Variants in UBE2F observed in about 807,000 individuals in gnomAD.
UBE2F encodes ubiquitin conjugating enzyme E2 F (putative).
UBE2F carries 5 observed loss-of-function variants against 29.6 expected under a neutral mutation model. The observed-to-expected ratio is 0.17, with a 90% confidence interval of 0.09 to 0.36. UBE2F has a LOEUF of 0.36. UBE2F is among the 10% of genes least tolerant of loss of function. The probability of loss-of-function intolerance (pLI) is 1.00; values close to 1 mark genes in which losing one functional copy is unlikely to be tolerated. For synonymous variants in UBE2F, 66 were observed against 81.8 expected (o/e 0.81, Z 1.04); for missense variants, 141 against 228.5 (o/e 0.62, Z 2.47).
chr2:238,010,094 G>A (rs1475783891), intron 4 of UBE2F, among the ~76,000 whole-genome samples: 1 of 151,800 alleles, frequency 6.6e-6, no homozygotes, highest in Admixed American at 6.6e-5. Context: ...ACATTTTTAT[G>A]CTTTTAAGTA....
At position 237,982,751 on chromosome 2, in the gene UBE2F, T is replaced by A. The variant is rs541516690; in HGVS notation, c.119-5212T>A. Among the ~76,000 whole-genome samples, 1 of 152,354 alleles carries A rather than the reference T, an allele frequency of 6.6e-6. No individual in the cohort carries two copies. The highest frequency in any genetic ancestry group is 2.1e-4 in the South Asian group (1 of 4,830). On this transcript the variant is annotated intron_variant, in intron 2 of 9. Coordinates refer to ENST00000272930, the MANE Select transcript of UBE2F (RefSeq NM_080678.3). The surrounding 1 kb of genome is among the most constrained non-coding windows in gnomAD (Gnocchi z 4.1). ...ATAGGTAACCCTTATTTAAAAGTGATCATTATGAACAACTCATTTGCTCTT... is the reference window on the plus strand; with the variant it reads ...ATAGGTAACCCTTATTTAAAAGTGAACATTATGAACAACTCATTTGCTCTT...
intron 5 of UBE2F, among the ~76,000 whole-genome samples, chr2:238,019,188 T>C (rs1156870108): frequency 6.6e-6 from 1 of 152,190 alleles, no homozygotes; most frequent in Non-Finnish European, 1.5e-5. Context: ...GATCTTACAT[T>C]TTTCTATTTC....
intron 4 of UBE2F, among the ~76,000 whole-genome samples, chr2:238,001,131 T>G (rs747072500): frequency 1.3e-5 from 2 of 151,106 alleles, no homozygotes; most frequent in Non-Finnish European, 2.9e-5. Context: ...GCTTCCTGGT[T>G]CAAGCGATTC....
In UBE2F at chr2:238,035,932, C is replaced by T. The variant is rs10177508; in HGVS notation, c.499C>T (p.Arg167Trp). ...TATTGAAGCTGCAGAACATCATTTG[C>T]GGGACAAGGTGAGCCAGTAACAGGC... ...LNIEAAEHHL[R>W]DKEDFRNKVD... is the part of the protein sequence containing the mutation. The change falls in exon 9 of 10, where the codon CGG becomes TGG. Residue 167 changes from arginine (R) to tryptophan (W), a missense_variant. Physicochemically the swap from Arg to Trp is moderately radical, Grantham distance 101. Coordinates refer to ENST00000272930, the MANE Select transcript of UBE2F (RefSeq NM_080678.3). 3 of 1,613,050 alleles carry T rather than the reference C, an allele frequency of 1.9e-6. No individual in the cohort carries two copies. The highest frequency in any genetic ancestry group is 2.5e-6 in the Non-Finnish European group (3 of 1,179,638).
chr2:237,991,563 T>G (rs2106347975), intron 3 of UBE2F, among the ~76,000 whole-genome samples: 1 of 146,080 alleles, frequency 6.8e-6, no homozygotes, highest in Admixed American at 6.9e-5. Context: ...CCTGTTAAAT[T>G]TTTTTTTTTT....
At chr2:237,975,324 G>A (rs4461215) in intron 2 of UBE2F, among the ~76,000 whole-genome samples, 131,320 of 151,908 alleles carry the variant, frequency 0.86, 56,929 homozygotes, top group East Asian at 0.97. Context: ...TGCCCAGGCT[G>A]GTCTTGAACT....
chr2:237,982,525 G>C lies in UBE2F; in HGVS notation c.119-5438G>C, dbSNP rs1205200357. ...TTTCTAAATTCCCGTAGGAAAAGCT[G>C]GATGACAGGAGTTATCACCCTCTAC... On this transcript the variant is annotated intron_variant, in intron 2 of 9. Coordinates refer to ENST00000272930, the MANE Select transcript of UBE2F (RefSeq NM_080678.3). This position sits in a 1 kb window ranked among gnomAD's most constrained non-coding sequence, Gnocchi z 4.1. 1.3e-5 allele frequency among the ~76,000 whole-genome samples: 2 copies of C among 152,180 alleles called. No individual in the cohort carries two copies. The highest frequency in any genetic ancestry group is 2.9e-5 in the Non-Finnish European group (2 of 68,032).
intron 8 of UBE2F, among the ~76,000 whole-genome samples, chr2:238,033,904 A>G (rs1052267758): frequency 6.6e-6 from 1 of 152,170 alleles, no homozygotes; most frequent in Non-Finnish European, 1.5e-5. Context: ...GTTGTGCTGC[A>G]TTGTAATATT....
chr2:237,977,738 A>T (rs770294453), intron 2 of UBE2F, among the ~76,000 whole-genome samples: 1 of 152,056 alleles, frequency 6.6e-6, no homozygotes, highest in East Asian at 1.9e-4. Flanking sequence ...GTGAAATCCA[A>T]ACTCCCTTTT....
chr2:238,024,782 C>A (rs1158505694), intron 5 of UBE2F, among the ~76,000 whole-genome samples: 1 of 152,192 alleles, frequency 6.6e-6, no homozygotes, highest in East Asian at 1.9e-4. Context: ...CATTTTCATT[C>A]TCTTTCTCTC....
intron 9 of UBE2F, among the ~76,000 whole-genome samples, chr2:238,037,274 G>T (rs1157341846): frequency 6.6e-6 from 1 of 152,236 alleles, no homozygotes; most frequent in Non-Finnish European, 1.5e-5. Flanking sequence ...CAAGCTGAAA[G>T]AATTATAGTT....
chr2:238,008,145 A>ATT (rs57365100), intron 4 of UBE2F, among the ~76,000 whole-genome samples: 1 of 151,740 alleles, frequency 6.6e-6, no homozygotes, highest in African/African-American at 2.4e-5. Flanking sequence ...CCAGCTAATT[A>ATT]TTTTTTGTAG....
chr2:237,996,529 C>T (rs1372150845), intron 4 of UBE2F, among the ~76,000 whole-genome samples: 1 of 150,098 alleles, frequency 6.7e-6, no homozygotes, highest in Non-Finnish European at 1.5e-5. Context: ...GGCTGGAGTG[C>T]AGTGACGCAA....
intron 4 of UBE2F, among the ~76,000 whole-genome samples, chr2:238,007,831 A>G (rs959480837): frequency 6.6e-6 from 1 of 152,106 alleles, no homozygotes; most frequent in Non-Finnish European, 1.5e-5. Flanking sequence ...TGTGAGGGAT[A>G]TTTGTAGTTT....
At chr2:238,014,296 AG>A (rs1379089688) in intron 4 of UBE2F, among the ~76,000 whole-genome samples, 1 of 152,262 alleles carries the variant, frequency 6.6e-6, no homozygotes, top group Non-Finnish European at 1.5e-5. Flanking sequence ...AGAGGGAAAA[AG>A]AAGTACTGAT....
intron 4 of UBE2F, among the ~76,000 whole-genome samples, chr2:238,003,923 TC>T (rs2063849625): frequency 6.6e-6 from 1 of 152,164 alleles, no homozygotes; most frequent in Non-Finnish European, 1.5e-5. Flanking sequence ...CCCCTCTCCA[TC>T]CCCAGCCCCT....
Position 237,967,115 on chromosome 2 carries a change from C to G in UBE2F, c.-34C>G. ...GTGTTGGGCGCCGGGCCCGCCTCGC[C>G]TGTCTCGGGGAGCCCAGGTGAGGAG... On this transcript the variant is annotated 5_prime_UTR_variant, in exon 1 of 10. Coordinates refer to ENST00000272930, the MANE Select transcript of UBE2F (RefSeq NM_080678.3). The surrounding 1 kb of genome is among the most constrained non-coding windows in gnomAD (Gnocchi z 6.3). The G allele has an allele frequency of 7.5e-7, 1 of 1,340,800 alleles. No individual in the cohort carries two copies. The highest frequency in any genetic ancestry group is 2.8e-4 in the Middle Eastern group (1 of 3,530). 83.1% of individuals were successfully genotyped at this position (1,340,800 alleles called of 1,614,324 possible).
chr2:237,985,332 C>A (rs925593747), intron 2 of UBE2F, among the ~76,000 whole-genome samples: 1 of 152,294 alleles, frequency 6.6e-6, no homozygotes, highest in Admixed American at 6.5e-5. Context: ...CTTATTCATC[C>A]TATATGCCTG....
chr2:237,995,268 G>A (rs938607739), intron 4 of UBE2F, among the ~76,000 whole-genome samples: 1 of 152,222 alleles, frequency 6.6e-6, no homozygotes, highest in African/African-American at 2.4e-5. Flanking sequence ...TAAGCCCAGG[G>A]TCTGGCACAC....
Sources: allele counts gnomAD v4.1 joint callset (sites outside exome capture counted in the v4.1 genomes callset), GRCh38; gene constraint gnomAD v4.1.1; non-coding constraint Gnocchi (gnomAD v3.1); transcripts MANE v1.5; gene names NCBI Gene and HGNC (gene_info 2026-07-23, HGNC 2026-07-21).